The following DCC variants were observed in gnomAD, a reference collection of about 807,000 sequenced individuals.
DCC encodes netrin receptor DCC.
A neutral mutation model predicts 172.5 loss-of-function variants in DCC; 58 were observed. The observed-to-expected ratio is 0.34, with a 90% CI of 0.27 to 0.42. The LOEUF is 0.42. Ranked by LOEUF, DCC falls within the 10% of genes least tolerant of loss-of-function variation. The pLI is 1.00. For synonymous variants in DCC, 709 were observed against 644.5 expected, an observed-to-expected ratio of 1.10 and a Z score of -1.52; for missense variants, 1,740 against 1,791.0, an observed-to-expected ratio of 0.97 and a Z score of 0.51.
At chr18:52,955,263 T>G (rs951371659) in intron 5 of DCC, among the ~76,000 whole-genome samples, 4 of 152,100 alleles carry the variant, frequency 2.6e-5, no homozygotes, top group Middle Eastern at 3.2e-3. Flanking sequence ...TTTTACTGTC[T>G]CCGTAATTTT....
intron 12 of DCC, among the ~76,000 whole-genome samples, chr18:53,270,148 A>T (rs958437392): frequency 6.6e-6 from 1 of 152,146 alleles, no homozygotes; most frequent in African/African-American, 2.4e-5. Context: ...AGGTAGGAAC[A>T]AAATTCTGAG....
At chr18:52,514,250 TAG>T (rs35814805) in intron 1 of DCC, among the ~76,000 whole-genome samples, 36,039 of 151,986 alleles carry the variant, frequency 0.24, 4,407 homozygotes, top group African/African-American at 0.29. Context: ...TATATGTGTA[TAG>T]AGAGAGAGAT....
chr18:52,523,551 T>A (rs754383266), intron 1 of DCC, among the ~76,000 whole-genome samples: 26 of 152,218 alleles, frequency 1.7e-4, no homozygotes, highest in Non-Finnish European at 3.5e-4. Flanking sequence ...AGTTTAAATG[T>A]CTTATAACAA....
chr18:52,957,812 A>AG, intron 5 of DCC, among the ~76,000 whole-genome samples: 1 of 152,246 alleles, frequency 6.6e-6, no homozygotes, highest in African/African-American at 2.4e-5. Flanking sequence ...ATAGAAAATG[A>AG]GGTTTAAGAG....
intron 7 of DCC, among the ~76,000 whole-genome samples, chr18:53,111,336 A>G (rs1359338089): frequency 6.6e-6 from 1 of 151,154 alleles, no homozygotes; most frequent in East Asian, 2.0e-4. Context: ...CCAACATGGC[A>G]CATGTATACA....
At chr18:53,517,446 A>T (rs865808502) in intron 27 of DCC, among the ~76,000 whole-genome samples, 6 of 134,398 alleles carry the variant, frequency 4.5e-5, no homozygotes, top group South Asian at 2.3e-4. Flanking sequence ...CTTAAAATAT[A>T]ATAATAATAA....
At position 52,859,499 on chromosome 18, in the gene DCC, G is replaced by A. The variant is rs192822606; in HGVS notation, c.413-46545G>A. ...TGGGTGCTTGGATCATGGCAAAATA[G>A]GCTATAGTGGTAAAACACATGAGGG... On this transcript the variant is annotated intron_variant, in intron 2 of 28. Coordinates refer to ENST00000442544, the MANE Select transcript of DCC (RefSeq NM_005215.4). Among the ~76,000 whole-genome samples, 4 of 152,324 alleles carry A rather than the reference G, an allele frequency of 2.6e-5. 1 individual carries two copies. The East Asian group carries it at 7.7e-4, about 29-fold the overall frequency.
chr18:52,917,132 G>A (rs372291934), intron 3 of DCC, among the ~76,000 whole-genome samples: 386 of 80,824 alleles, frequency 4.8e-3, no homozygotes, highest in Middle Eastern at 0.03. Context: ...AAAAAAAAAA[G>A]AAAACAAAAA....
At chr18:53,529,275 A>G (rs1598854884) in intron 28 of DCC, among the ~76,000 whole-genome samples, 3 of 152,088 alleles carry the variant, frequency 2.0e-5, no homozygotes, top group Admixed American at 6.6e-5. Context: ...CCTACCTCCC[A>G]CCCATGCAAA....
In DCC at chr18:53,386,133, T is replaced by G; in HGVS notation, c.2450T>G (p.Ile817Arg). Residue 817 changes from isoleucine (I) to arginine (R), a missense_variant, in exon 16 of 29, where the codon ATA (isoleucine) becomes AGA (arginine). Transcript: ENST00000442544. ...PLYESATTRS[I>R]TDPTDPVDYY... ...TATGAAAGTGCCACCACCAGGTCTA[T>G]AACCGGTAAGTGAAATTGTTAATCT... is the stretch of plus-strand genomic sequence containing the variant. The G allele has an allele frequency of 2.5e-6, 4 of 1,598,400 alleles. No homozygotes were observed. The highest frequency in any genetic ancestry group is 3.4e-6 in the Non-Finnish European group (4 of 1,165,736).
At chr18:52,365,602 G>A (rs1984813350) in intron 1 of DCC, among the ~76,000 whole-genome samples, 2 of 152,108 alleles carry the variant, frequency 1.3e-5, no homozygotes, top group Non-Finnish European at 2.9e-5. Context: ...GAGAGGGGAG[G>A]AGGGATGCAG....
At chr18:53,222,946 C>A (rs914000223) in intron 12 of DCC, among the ~76,000 whole-genome samples, 2 of 151,828 alleles carry the variant, frequency 1.3e-5, no homozygotes, top group Non-Finnish European at 2.9e-5. Flanking sequence ...CCAAAAATAC[C>A]TTCTTATCTC....
At chr18:53,304,225 C>T (rs1236187910) in intron 12 of DCC, among the ~76,000 whole-genome samples, 1 of 152,084 alleles carries the variant, frequency 6.6e-6, no homozygotes, top group Admixed American at 6.5e-5. Flanking sequence ...TGACTGTTCT[C>T]ATTTAGGGCT....
At chr18:52,629,818 C>T (rs150921807) in intron 1 of DCC, among the ~76,000 whole-genome samples, 3,521 of 151,920 alleles carry the variant, frequency 0.023, 136 homozygotes, top group African/African-American at 0.08. Flanking sequence ...GGCGTGCTGG[C>T]GGGTACCTGT....
intron 5 of DCC, among the ~76,000 whole-genome samples, chr18:52,940,485 C>G (rs899040068): frequency 1.3e-5 from 2 of 152,248 alleles, no homozygotes; most frequent in African/African-American, 4.8e-5. Context: ...CACCATGATT[C>G]TATTTACGCT....
intron 1 of DCC, among the ~76,000 whole-genome samples, chr18:52,689,776 A>C (rs573940786): frequency 6.6e-6 from 1 of 152,274 alleles, no homozygotes; most frequent in Non-Finnish European, 1.5e-5. Context: ...ATTTGGGGTA[A>C]AATTTCCTTC....
chr18:53,452,620 T>C (rs929362939), intron 23 of DCC, among the ~76,000 whole-genome samples: 2 of 152,164 alleles, frequency 1.3e-5, no homozygotes, highest in African/African-American at 4.8e-5. Flanking sequence ...GCCCTGAGTA[T>C]GACTTGTTTT....
chr18:52,465,358 C>G (rs995980462), intron 1 of DCC, among the ~76,000 whole-genome samples: 2 of 152,150 alleles, frequency 1.3e-5, no homozygotes, highest in Non-Finnish European at 2.9e-5. Context: ...TTATCTGTTG[C>G]TGACTTTTTT....
intron 1 of DCC, among the ~76,000 whole-genome samples, chr18:52,442,460 C>T (rs963700149): frequency 3.3e-5 from 5 of 152,132 alleles, no homozygotes; most frequent in Admixed American, 2.6e-4. Context: ...TACTTAGACA[C>T]CATCTGATGT....
Sources: gnomAD v4.1 joint callset for allele counts (sites outside exome capture counted in the v4.1 genomes callset) on GRCh38, gnomAD v4.1.1 for gene constraint, MANE v1.5 for transcripts, NCBI Gene and HGNC (gene_info 2026-07-23, HGNC 2026-07-21) for gene names.